The following OPCML variants were observed in gnomAD, a reference collection of about 807,000 sequenced individuals.
OPCML encodes opioid-binding protein/cell adhesion molecule.
A neutral mutation model predicts 37.8 loss-of-function variants in OPCML; 13 were observed. The observed-to-expected ratio is 0.34, with a 90% CI of 0.22 to 0.55. The LOEUF (loss-of-function observed/expected upper bound fraction) is 0.55, where lower values mean the gene tolerates loss of function less well. Ranked by LOEUF, OPCML falls within the 20% of genes least tolerant of loss-of-function variation. The pLI is 0.91. For missense variants in OPCML, 341 were observed against 435.6 expected (o/e 0.78, Z 1.93); for synonymous variants, 176 against 168.8 (o/e 1.04, Z -0.33).
intron 1 of OPCML, among the ~76,000 whole-genome samples, chr11:133,039,000 C>G (rs571790907): frequency 3.3e-5 from 5 of 152,298 alleles, no homozygotes; most frequent in African/African-American, 9.6e-5. Flanking sequence ...TCTTTTCTTT[C>G]AAAGCAGTTA....
chr11:132,983,266 A>G (rs938406577), intron 1 of OPCML, among the ~76,000 whole-genome samples: 1 of 152,198 alleles, frequency 6.6e-6, no homozygotes, highest in Non-Finnish European at 1.5e-5. Context: ...TGGGAGAAAA[A>G]CACAGCCCAA....
chr11:132,670,476 G>C (rs1438290225), intron 2 of OPCML, among the ~76,000 whole-genome samples: 1 of 152,056 alleles, frequency 6.6e-6, no homozygotes, highest in Admixed American at 6.6e-5. Flanking sequence ...AACTCACCCA[G>C]AACTGCTAAA....
intron 1 of OPCML, among the ~76,000 whole-genome samples, chr11:133,281,535 T>C (rs977889030): frequency 1.3e-5 from 2 of 152,120 alleles, no homozygotes; most frequent in Non-Finnish European, 2.9e-5. Flanking sequence ...CCCAGCCTCA[T>C]GTATTCCTTT....
At chr11:133,516,926 A>G (rs1316448440) in intron 1 of OPCML, among the ~76,000 whole-genome samples, 1 of 152,220 alleles carries the variant, frequency 6.6e-6, no homozygotes, top group African/African-American at 2.4e-5. Flanking sequence ...GTTGAAGAAC[A>G]CTACAGCTGC....
chr11:133,265,318 CAA>C (rs1351528279), intron 1 of OPCML, among the ~76,000 whole-genome samples: 2 of 152,180 alleles, frequency 1.3e-5, no homozygotes, highest in African/African-American at 2.4e-5. Context: ...AGCCACATAG[CAA>C]AGAGTCTGCC....
intron 1 of OPCML, among the ~76,000 whole-genome samples, chr11:133,400,649 G>GTAAA (rs1173411661): frequency 2.0e-5 from 3 of 152,126 alleles, no homozygotes; most frequent in African/African-American, 7.2e-5. Flanking sequence ...ATTAAAAAAT[G>GTAAA]TAAATGTAGA....
intron 1 of OPCML, among the ~76,000 whole-genome samples, chr11:133,450,836 A>G (rs1417525788): frequency 6.6e-6 from 1 of 151,698 alleles, no homozygotes; most frequent in Non-Finnish European, 1.5e-5. Context: ...GTGGCAAAAA[A>G]CATTCAGATC....
rs2095936662 is a variant in OPCML, at chr11:132,415,788, A to G, written c.*4405T>C. The G allele has an allele frequency of 6.5e-6, 1 of 152,734 alleles. No individual in the cohort carries two copies. The highest frequency in any genetic ancestry group is 1.9e-4 in the East Asian group (1 of 5,180). The allele number at this position is 152,734 out of a possible 1,614,324, so 9.5% of individuals were successfully genotyped here. ...CTGGCTCAGCCCTATCTTTTTTGCC[A>G]CATCTTTAATTACAAATCTATTTCT... On this transcript the variant is annotated 3_prime_UTR_variant, in exon 8 of 8. Coordinates refer to ENST00000524381, the MANE Select transcript of OPCML (RefSeq NM_001012393.5).
intron 3 of OPCML, among the ~76,000 whole-genome samples, chr11:132,656,288 C>T (rs1371781923): frequency 6.6e-6 from 1 of 152,168 alleles, no homozygotes; most frequent in African/African-American, 2.4e-5. Context: ...GAACTGCTAT[C>T]TGCATGTGTT....
At chr11:132,462,181 A>T (rs991060289) in intron 4 of OPCML, among the ~76,000 whole-genome samples, 1 of 152,192 alleles carries the variant, frequency 6.6e-6, no homozygotes, top group Non-Finnish European at 1.5e-5. Flanking sequence ...TCCACTGGAG[A>T]ATTACTTGCT....
chr11:132,624,696 C>T (rs1939636149), intron 3 of OPCML, among the ~76,000 whole-genome samples: 1 of 152,142 alleles, frequency 6.6e-6, no homozygotes, highest in African/African-American at 2.4e-5. Context: ...AGTCGTAACT[C>T]CACAGTCTCT....
chr11:133,525,629 T>C (rs1397791829), intron 1 of OPCML, among the ~76,000 whole-genome samples: 2 of 152,184 alleles, frequency 1.3e-5, no homozygotes, highest in African/African-American at 4.8e-5. Context: ...AGGTGATCCA[T>C]AAGGAATGAG....
At chr11:133,460,964 T>C (rs1946844973) in intron 1 of OPCML, among the ~76,000 whole-genome samples, 1 of 151,766 alleles carries the variant, frequency 6.6e-6, no homozygotes, top group African/African-American at 2.4e-5. Context: ...TCACAATTCA[T>C]GGAATGAAGG....
chr11:132,607,416 A>G lies in OPCML; in HGVS notation c.379+49671T>C, dbSNP rs377109431. 5.9e-5 allele frequency among the ~76,000 whole-genome samples: 9 copies of G among 152,300 alleles called. No individual in the cohort carries two copies. The South Asian group carries it at 1.9e-3, about 32-fold the overall frequency. ...ATTTCCCACGGAGCTTTTGTCTCTG[A>G]AGGGCCAAACGCCACCTTGAATACA... On this transcript the variant is annotated intron_variant, in intron 3 of 7. Coordinates refer to ENST00000524381, the MANE Select transcript of OPCML (RefSeq NM_001012393.5).
chr11:133,377,803 C>T lies in OPCML; in HGVS notation c.61+154461G>A, dbSNP rs561044161. Among the ~76,000 whole-genome samples, 4 of 152,130 alleles carry T rather than the reference C, an allele frequency of 2.6e-5. No individual in the cohort carries two copies. In the East Asian group the frequency reaches 5.8e-4, roughly 22 times the overall value. Reference sequence around the variant, plus strand: ...TTATCTCTGTTTGAAACACCTAGTGCGGGTCCTGTTTCCCCACTGAGCCCA... The same window carrying T: ...TTATCTCTGTTTGAAACACCTAGTGTGGGTCCTGTTTCCCCACTGAGCCCA... On this transcript the variant is annotated intron_variant, in intron 1 of 7. Transcript: ENST00000524381.
rs73041730 is a variant in OPCML at position 132,583,646 on chromosome 11, T to C, written c.380-54460A>G. On this transcript the variant is annotated intron_variant, in intron 3 of 7. Coordinates refer to ENST00000524381, the MANE Select transcript of OPCML (RefSeq NM_001012393.5). ...TTATTTACTTTTTGAAAGAGAGTTT[T>C]GCTCTTGTTTCCCAGGCTGGAGTGT... Among the ~76,000 whole-genome samples the C allele has an allele frequency of 6.8e-3, 1,037 of 152,154 alleles. 4 individuals are homozygous for C. Among genetic ancestry groups the C allele is most frequent in the Non-Finnish European group, 0.01 (705 of 68,002 alleles).
intron 1 of OPCML, among the ~76,000 whole-genome samples, chr11:133,215,614 A>T (rs1487895523): frequency 1.3e-5 from 2 of 152,174 alleles, no homozygotes; most frequent in African/African-American, 4.8e-5. Flanking sequence ...AAAGCAAAAA[A>T]TTCCTCTGGA....
intron 1 of OPCML, among the ~76,000 whole-genome samples, chr11:133,044,199 G>A (rs1405044549): frequency 6.6e-6 from 1 of 152,186 alleles, no homozygotes; most frequent in African/African-American, 2.4e-5. Flanking sequence ...ATGTGGGTGT[G>A]GATGGGTGTG....
At chr11:133,204,528 C>T (rs1282621306) in intron 1 of OPCML, among the ~76,000 whole-genome samples, 1 of 152,138 alleles carries the variant, frequency 6.6e-6, no homozygotes, top group Non-Finnish European at 1.5e-5. Flanking sequence ...CTTCACTAGG[C>T]ACCTGTGAAC....
Sources: gnomAD v4.1 joint callset for allele counts (sites outside exome capture counted in the v4.1 genomes callset) on GRCh38, gnomAD v4.1.1 for gene constraint, MANE v1.5 for transcripts, NCBI Gene and HGNC (gene_info 2026-07-23, HGNC 2026-07-21) for gene names.